TNNI3K: variants seen among roughly 807,000 people sequenced by gnomAD.
The protein encoded by TNNI3K is serine/threonine-protein kinase TNNI3K.
Under a neutral mutation model 114.5 loss-of-function variants are expected in TNNI3K, and 140 were observed. That is an observed-to-expected ratio of 1.22 (90% confidence interval 1.07 to 1.41). The LOEUF is 1.41. Among genes scored for constraint, TNNI3K ranks in the 40% most tolerant of loss-of-function variants. The pLI, the probability that TNNI3K is intolerant of heterozygous loss-of-function variation, is 0.00. For missense variants in TNNI3K, 1,125 were observed against 1,007.6 expected, an observed-to-expected ratio of 1.12 and a Z score of -1.58; for synonymous variants, 347 against 347.5, an observed-to-expected ratio of 1.00 and a Z score of 0.02.
chr1:74,314,853 T>C (rs948052087), intron 5 of TNNI3K, among the ~76,000 whole-genome samples: 2 of 152,178 alleles, frequency 1.3e-5, no homozygotes, highest in Non-Finnish European at 2.9e-5. Flanking sequence ...AGTTTACATT[T>C]TGCTAGAGCT....
intron 5 of TNNI3K, among the ~76,000 whole-genome samples, chr1:74,275,508 G>A (rs1010827715): frequency 1.3e-5 from 2 of 152,128 alleles, no homozygotes; most frequent in East Asian, 3.9e-4. Flanking sequence ...AAGCATATCA[G>A]AGATTAATGT....
chr1:74,266,338 A>G (rs564320666), intron 4 of TNNI3K, among the ~76,000 whole-genome samples: 18 of 152,120 alleles, frequency 1.2e-4, no homozygotes, highest in East Asian at 5.8e-4. Flanking sequence ...TGGCTGACAC[A>G]GGTTAGTCAG....
chr1:74,353,656 A>C (rs548307892), intron 10 of TNNI3K, among the ~76,000 whole-genome samples: 2,988 of 152,112 alleles, frequency 0.02, 51 homozygotes, highest in Non-Finnish European at 0.03. Context: ...AAAAAAAAAA[A>C]AAAAACCTGT....
rs754338803 is a variant in TNNI3K, at chr1:74,367,275, A to G, written c.1197A>G (p.Thr399=). The stretch of plus-strand genomic sequence containing the variant: ...ATAAAGGGCATGATGCCATTGTCAC[A>G]CTCCTGAAGCATTATAAGAGACCAC... ...AYEKGHDAIV[T]LLKHYKRPQD... The change falls in exon 12 of 25, where the codon ACA becomes ACG. Residue 399 remains threonine, a synonymous_variant. Transcript: ENST00000326637. 2.5e-6 allele frequency: 4 copies of G among 1,611,880 alleles called. No homozygotes were observed. The highest frequency in any genetic ancestry group is 4.5e-5 in the East Asian group (2 of 44,796).
intron 1 of TNNI3K, 21 bp from the exon 2 acceptor site, chr1:74,236,081 T>C: frequency 6.3e-7 from 1 of 1,591,298 alleles, no homozygotes; most frequent in Non-Finnish European, 8.6e-7. Context: ...TGAATCAATC[T>C]CATTTGTTCT....
At chr1:74,391,957 ATTTTTTT>A (rs34656417) in intron 17 of TNNI3K, among the ~76,000 whole-genome samples, 8 of 93,040 alleles carry the variant, frequency 8.6e-5, no homozygotes, top group Middle Eastern at 8.6e-3. Context: ...ACAGCTTATT[ATTTTTTT>A]TTTTTTTTTT....
intron 2 of TNNI3K, among the ~76,000 whole-genome samples, chr1:74,246,513 C>A (rs1654562783): frequency 6.6e-6 from 1 of 152,188 alleles, no homozygotes; most frequent in African/African-American, 2.4e-5. Flanking sequence ...CAGCTCTGAG[C>A]TGCTTCGGCT....
chr1:74,420,356 A>C (rs573857072), intron 17 of TNNI3K, among the ~76,000 whole-genome samples: 1 of 152,248 alleles, frequency 6.6e-6, no homozygotes, highest in African/African-American at 2.4e-5. Context: ...AGAAAAGAAC[A>C]ATGTAGGACT....
Position 74,404,595 on chromosome 1 carries a change from T to C in TNNI3K, c.1773-31485T>C, listed in dbSNP as rs560473768. Reference sequence around the variant, plus strand: ...GAGTTTCTGATTCAGTACGTATTAGTTGGGGCCAAAATATTGTATTGCTAA... The same window carrying C: ...GAGTTTCTGATTCAGTACGTATTAGCTGGGGCCAAAATATTGTATTGCTAA... On this transcript the variant is annotated intron_variant, in intron 17 of 24. Coordinates refer to ENST00000326637, the MANE Select transcript of TNNI3K (RefSeq NM_015978.3). 5.3e-5 allele frequency among the ~76,000 whole-genome samples: 8 copies of C among 152,314 alleles called. No homozygotes were observed. In the South Asian group the frequency reaches 1.7e-3, roughly 32 times the overall value.
intron 7 of TNNI3K, 112 bp from the exon 8 acceptor site, chr1:74,342,730 C>A (rs1660809051): frequency 1.5e-6 from 2 of 1,356,154 alleles, no homozygotes; most frequent in Admixed American, 2.3e-5. Context: ...CATTAACTGG[C>A]AATTTCCAGG....
chr1:74,322,766 T>C (rs1190913404), intron 5 of TNNI3K, among the ~76,000 whole-genome samples: 1 of 152,104 alleles, frequency 6.6e-6, no homozygotes, highest in African/African-American at 2.4e-5. Flanking sequence ...TCTACCATCT[T>C]AATATATCTG....
chr1:74,303,619 C>CA (rs1658457913), intron 5 of TNNI3K, among the ~76,000 whole-genome samples: 1 of 152,188 alleles, frequency 6.6e-6, no homozygotes, highest in South Asian at 2.1e-4. Flanking sequence ...TTCCTGCCTG[C>CA]AAAAACAATA....
intron 17 of TNNI3K, among the ~76,000 whole-genome samples, chr1:74,430,055 AT>A (rs1033264987): frequency 5.9e-5 from 9 of 152,114 alleles, no homozygotes; most frequent in Non-Finnish European, 1.2e-4. Flanking sequence ...ATATTTATGA[AT>A]TTTTAAGTGA....
chr1:74,489,918 T>A (rs1668968955), intron 22 of TNNI3K, among the ~76,000 whole-genome samples: 1 of 151,842 alleles, frequency 6.6e-6, no homozygotes, highest in East Asian at 1.9e-4. Flanking sequence ...AAGACATACA[T>A]CACACATAGA....
chr1:74,387,785 T>G (rs1663562923), intron 17 of TNNI3K, among the ~76,000 whole-genome samples: 1 of 152,246 alleles, frequency 6.6e-6, no homozygotes, highest in African/African-American at 2.4e-5. Flanking sequence ...ATCAATTTTT[T>G]CATTATAAAA....
intron 17 of TNNI3K, among the ~76,000 whole-genome samples, chr1:74,395,799 A>G (rs1025508785): frequency 8.5e-5 from 13 of 152,324 alleles, no homozygotes; most frequent in Admixed American, 7.8e-4. Flanking sequence ...TTCTAGGCCT[A>G]GGGAACAGAG....
intron 5 of TNNI3K, among the ~76,000 whole-genome samples, chr1:74,298,431 T>C (rs573155451): frequency 1.4e-4 from 21 of 152,318 alleles, no homozygotes; most frequent in African/African-American, 5.0e-4. Flanking sequence ...GTATGTCCGA[T>C]TTAAGTATAA....
intron 17 of TNNI3K, among the ~76,000 whole-genome samples, chr1:74,412,725 G>A (rs937764244): frequency 6.6e-5 from 10 of 151,930 alleles, no homozygotes; most frequent in Non-Finnish European, 1.2e-4. Context: ...AGCAATTCTC[G>A]TCCCTCAGCC....
At chr1:74,366,566 G>A (rs567620961) in intron 11 of TNNI3K, 1 of 152,086 alleles carries the variant, frequency 6.6e-6, no homozygotes, top group East Asian at 2.0e-4. Context: ...CAAATGGGAA[G>A]AGTAGAGAAG....
Sources: gnomAD v4.1 joint callset for allele counts (sites outside exome capture counted in the v4.1 genomes callset) on GRCh38, gnomAD v4.1.1 for gene constraint, MANE v1.5 for transcripts, NCBI Gene and HGNC (gene_info 2026-07-23, HGNC 2026-07-21) for gene names.